Variants in KCNH7 observed in about 807,000 individuals in gnomAD.
KCNH7 encodes the protein potassium voltage-gated channel subfamily H member 7.
A neutral mutation model predicts 120.8 loss-of-function variants in KCNH7; 49 were observed. That is an observed-to-expected ratio of 0.41 (90% CI 0.32 to 0.51). The LOEUF is 0.51. Ranked by LOEUF, KCNH7 falls within the 20% of genes least tolerant of loss-of-function variation. The probability of loss-of-function intolerance (pLI) is 0.38; values close to 1 mark genes in which losing one functional copy is unlikely to be tolerated. For synonymous variants in KCNH7, 547 were observed against 516.1 expected (o/e 1.06, Z -0.81); for missense variants, 1,097 against 1,446.6 (o/e 0.76, Z 3.92).
At chr2:162,766,075 T>C (rs1682792582) in intron 2 of KCNH7, among the ~76,000 whole-genome samples, 2 of 152,148 alleles carry the variant, frequency 1.3e-5, no homozygotes, top group South Asian at 4.1e-4. Context: ...CTGCTATTCA[T>C]ACTTATTTTC....
chr2:162,383,304 C>T (rs1686478628), intron 13 of KCNH7, among the ~76,000 whole-genome samples: 1 of 151,882 alleles, frequency 6.6e-6, no homozygotes, highest in South Asian at 2.1e-4. Context: ...TTAGCACTTC[C>T]CAGAATCCAT....
At chr2:162,504,006 C>T (rs997531255) in intron 6 of KCNH7, among the ~76,000 whole-genome samples, 6 of 152,046 alleles carry the variant, frequency 3.9e-5, no homozygotes, top group African/African-American at 1.4e-4. Context: ...CCCAAGTTAA[C>T]TGACTTAGAT....
At chr2:162,381,529 A>G (rs906175294) in intron 13 of KCNH7, among the ~76,000 whole-genome samples, 1 of 152,084 alleles carries the variant, frequency 6.6e-6, no homozygotes, top group Non-Finnish European at 1.5e-5. Flanking sequence ...AAATTTCTCA[A>G]ATGAGGTGTC....
rs1694624620 is a variant in KCNH7 at position 162,603,347 on chromosome 2, ATGT to A, written c.308-66270_308-66268del. Among the ~76,000 whole-genome samples, 7 of 151,998 alleles carry A rather than the reference ATGT, an allele frequency of 4.6e-5. No individual in the cohort carries two copies. In the South Asian group the frequency reaches 1.2e-3, roughly 27 times the overall value. On this transcript the variant is annotated intron_variant, in intron 2 of 15. Coordinates refer to ENST00000332142, the MANE Select transcript of KCNH7 (RefSeq NM_033272.4). ...AAATCTGTTTTCTGTGAGGGTATTAATGTTGTTCCCTCATTCTCATTTGTTCTT... is the reference window on the plus strand; with the variant it reads ...AAATCTGTTTTCTGTGAGGGTATTAATGTTCCCTCATTCTCATTTGTTCTT...
intron 2 of KCNH7, among the ~76,000 whole-genome samples, chr2:162,770,249 A>G (rs1682994563): frequency 6.6e-6 from 1 of 151,588 alleles, no homozygotes; most frequent in South Asian, 2.1e-4. Context: ...AGAGAACAGT[A>G]GAGATGTTTA....
In KCNH7 at chr2:162,651,206, A is replaced by T. The variant is rs186794162; in HGVS notation, c.308-114126T>A. Among the ~76,000 whole-genome samples the T allele has an allele frequency of 5.1e-3, 771 of 152,316 alleles. 7 individuals are homozygous for T. Among genetic ancestry groups the T allele is most frequent in the Non-Finnish European group, 6.9e-3 (469 of 68,012 alleles). The stretch of plus-strand genomic sequence containing the variant: ...CTTAGTGCATAATTTTTGAAACAGG[A>T]TTTAAAAAATAAAACTTTTATTTTA... On this transcript the variant is annotated intron_variant, in intron 2 of 15. Coordinates refer to ENST00000332142, the MANE Select transcript of KCNH7 (RefSeq NM_033272.4).
chr2:162,693,331 G>C (rs1282890894), intron 2 of KCNH7, among the ~76,000 whole-genome samples: 2 of 152,150 alleles, frequency 1.3e-5, no homozygotes, highest in Admixed American at 6.6e-5. Context: ...TGGAAGATAA[G>C]AGGTTATAAT....
At chr2:162,589,861 T>A (rs1414237536) in intron 2 of KCNH7, among the ~76,000 whole-genome samples, 1 of 152,142 alleles carries the variant, frequency 6.6e-6, no homozygotes, top group African/African-American at 2.4e-5. Flanking sequence ...ACTGTATTAT[T>A]TAGGTGTGGA....
intron 13 of KCNH7, among the ~76,000 whole-genome samples, chr2:162,380,380 T>A (rs953843884): frequency 6.6e-6 from 1 of 152,112 alleles, no homozygotes; most frequent in Non-Finnish European, 1.5e-5. Flanking sequence ...GCAGCATATG[T>A]TGTTTGCACC....
intron 6 of KCNH7, among the ~76,000 whole-genome samples, chr2:162,462,090 T>G (rs1689163594): frequency 6.6e-6 from 1 of 152,156 alleles, no homozygotes; most frequent in Non-Finnish European, 1.5e-5. Context: ...TATTTTATTT[T>G]TCTTAACTCA....
At chr2:162,470,315 T>C (rs10930053) in intron 6 of KCNH7, among the ~76,000 whole-genome samples, 11,040 of 146,502 alleles carry the variant, frequency 0.075, 1,296 homozygotes, top group African/African-American at 0.26. Flanking sequence ...GCCTCTGCCC[T>C]AGTGCCCTGT....
At chr2:162,578,549 G>A (rs1462019818) in intron 2 of KCNH7, among the ~76,000 whole-genome samples, 3 of 151,988 alleles carry the variant, frequency 2.0e-5, no homozygotes, top group Admixed American at 2.0e-4. Flanking sequence ...GATGAGGGTA[G>A]AGCATGACAC....
At chr2:162,751,715 A>G (rs1230473337) in intron 2 of KCNH7, among the ~76,000 whole-genome samples, 1 of 151,856 alleles carries the variant, frequency 6.6e-6, no homozygotes, top group Non-Finnish European at 1.5e-5. Flanking sequence ...ATATTATAAT[A>G]AATAACAATA....
intron 2 of KCNH7, among the ~76,000 whole-genome samples, chr2:162,616,531 A>C (rs1255044059): frequency 6.6e-6 from 1 of 152,178 alleles, no homozygotes; most frequent in Non-Finnish European, 1.5e-5. Flanking sequence ...CTGTAGAGTG[A>C]GTGGGTCAGA....
intron 2 of KCNH7, among the ~76,000 whole-genome samples, chr2:162,638,871 T>C (rs1356685709): frequency 6.6e-6 from 1 of 152,138 alleles, no homozygotes; most frequent in Non-Finnish European, 1.5e-5. Context: ...AATTCACTGG[T>C]GAACTGCAAG....
chr2:162,719,675 T>G (rs1261295207), intron 2 of KCNH7, among the ~76,000 whole-genome samples: 1 of 152,044 alleles, frequency 6.6e-6, no homozygotes, highest in Non-Finnish European at 1.5e-5. Context: ...TAGGAATATG[T>G]GGGCTGGTTA....
At position 162,527,701 on chromosome 2, in the gene KCNH7, G is replaced by A. The variant is rs923839857; in HGVS notation, c.463+9224C>T. Among the ~76,000 whole-genome samples, 7 of 151,862 alleles carry A rather than the reference G, an allele frequency of 4.6e-5. No individual in the cohort carries two copies. In the East Asian group the frequency reaches 5.9e-4, roughly 13 times the overall value. Reference sequence around the variant, plus strand: ...AGAAAAATTCAAAATTTTAGTAAGCGTAAAAGTAAAATCCTCTTTGATTTG... The same window carrying A: ...AGAAAAATTCAAAATTTTAGTAAGCATAAAAGTAAAATCCTCTTTGATTTG... On this transcript the variant is annotated intron_variant, in intron 3 of 15. Transcript: ENST00000332142.
intron 14 of KCNH7, among the ~76,000 whole-genome samples, chr2:162,375,917 A>G (rs558765334): frequency 1.1e-3 from 169 of 152,054 alleles, no homozygotes; most frequent in African/African-American, 3.9e-3. Context: ...AAAAAGAAAA[A>G]AAAGAGGACT....
At chr2:162,435,822 G>T (rs1228240235) in intron 7 of KCNH7, among the ~76,000 whole-genome samples, 1 of 152,030 alleles carries the variant, frequency 6.6e-6, no homozygotes, top group Non-Finnish European at 1.5e-5. Context: ...TGGCATGCAA[G>T]ACATGGGGCA....
Sources: gnomAD v4.1 joint callset for allele counts (sites outside exome capture counted in the v4.1 genomes callset) on GRCh38, gnomAD v4.1.1 for gene constraint, MANE v1.5 for transcripts, NCBI Gene and HGNC (gene_info 2026-07-23, HGNC 2026-07-21) for gene names.